The following EPHA3 variants were observed in gnomAD, a reference collection of about 807,000 sequenced individuals.
EPHA3 encodes EPH receptor A3, also known as ephrin type-A receptor 3.
A neutral mutation model predicts 107.1 loss-of-function variants in EPHA3; 42 were observed. The observed-to-expected ratio is 0.39, with a 90% CI of 0.31 to 0.51. EPHA3 has a LOEUF of 0.51. Among genes scored for constraint, EPHA3 ranks in the 20% least tolerant of loss-of-function variants. The probability of loss-of-function intolerance (pLI) is 0.78; values close to 1 mark genes in which losing one functional copy is unlikely to be tolerated. For missense variants in EPHA3, 1,183 were observed against 1,211.2 expected, an observed-to-expected ratio of 0.98 and a Z score of 0.35; for synonymous variants, 461 against 424.8, an observed-to-expected ratio of 1.09 and a Z score of -1.05.
Position 89,332,107 on chromosome 3 carries a change from T to C in EPHA3, c.815-8809T>C, listed in dbSNP as rs567484667. ...CCCTTCCCACATAATCGTCTGCTCA[T>C]TACATGCATATTCTGTTAATTGATC... On this transcript the variant is annotated intron_variant, in intron 3 of 16. Coordinates refer to ENST00000336596, the MANE Select transcript of EPHA3 (RefSeq NM_005233.6). 6.6e-5 allele frequency among the ~76,000 whole-genome samples: 10 copies of C among 152,298 alleles called. No individual in the cohort carries two copies. In the East Asian group the frequency reaches 7.7e-4, roughly 12 times the overall value.
Position 89,472,652 on chromosome 3 carries a change from G to A in EPHA3, c.2846+33G>A, listed in dbSNP as rs1353291146. ...AAAAAAATTCATTAAGAAGAATGAA[G>A]GATTCTTTTGAACTTTCTTGGCTTG... On this transcript the variant is annotated intron_variant, in intron 16 of 16. Transcript: ENST00000336596. 14 of 1,588,242 alleles carry A rather than the reference G, an allele frequency of 8.8e-6. No homozygotes were observed. In the African/African-American group the frequency reaches 9.6e-5, roughly 11 times the overall value.
intron 16 of EPHA3, among the ~76,000 whole-genome samples, chr3:89,475,100 A>G (rs575277292): frequency 1.3e-5 from 2 of 152,288 alleles, no homozygotes; most frequent in African/African-American, 4.8e-5. Context: ...TTGAGTCTTC[A>G]TAGTGTCATG....
chr3:89,383,785 A>T (rs1708559373), intron 5 of EPHA3, among the ~76,000 whole-genome samples: 1 of 151,034 alleles, frequency 6.6e-6, no homozygotes. Flanking sequence ...AGTAGCTGGG[A>T]CTACAGGTGC....
At chr3:89,234,923 C>T (rs568436812) in intron 3 of EPHA3, among the ~76,000 whole-genome samples, 38 of 145,652 alleles carry the variant, frequency 2.6e-4, no homozygotes, top group Middle Eastern at 3.7e-3. Flanking sequence ...TGCCTTCCTT[C>T]CCTCCCTTCC....
intron 2 of EPHA3, among the ~76,000 whole-genome samples, chr3:89,207,114 A>G (rs1319646429): frequency 1.3e-5 from 2 of 152,204 alleles, no homozygotes; most frequent in Non-Finnish European, 2.9e-5. Flanking sequence ...GATTGTCACA[A>G]CAGTAAAGTT....
chr3:89,421,351 G>A (rs1391369081), intron 11 of EPHA3, among the ~76,000 whole-genome samples: 3 of 151,148 alleles, frequency 2.0e-5, no homozygotes, highest in South Asian at 2.1e-4. Context: ...AAGGAAGAAA[G>A]AAAAGAAGGA....
intron 13 of EPHA3, among the ~76,000 whole-genome samples, chr3:89,448,911 G>T (rs1709931842): frequency 6.6e-6 from 1 of 151,918 alleles, no homozygotes; most frequent in Non-Finnish European, 1.5e-5. Flanking sequence ...TGTCACATCT[G>T]CTTCAGGTTG....
intron 3 of EPHA3, among the ~76,000 whole-genome samples, chr3:89,242,375 G>C (rs987362457): frequency 6.6e-6 from 1 of 152,166 alleles, no homozygotes; most frequent in Non-Finnish European, 1.5e-5. Context: ...CAATGTCCAA[G>C]TGTGCACTGC....
At chr3:89,182,755 T>G (rs193232706) in intron 2 of EPHA3, among the ~76,000 whole-genome samples, 34 of 151,878 alleles carry the variant, frequency 2.2e-4, no homozygotes, top group Admixed American at 1.1e-3. Flanking sequence ...ACTTAGCATA[T>G]CTTTCTACAT....
At chr3:89,151,210 C>G (rs1234108892) in intron 2 of EPHA3, among the ~76,000 whole-genome samples, 1 of 152,070 alleles carries the variant, frequency 6.6e-6, no homozygotes, top group Non-Finnish European at 1.5e-5. Flanking sequence ...TAATAGTCTA[C>G]TCTCAAATCC....
intron 3 of EPHA3, among the ~76,000 whole-genome samples, chr3:89,338,672 C>T (rs1222019257): frequency 2.0e-5 from 3 of 152,184 alleles, no homozygotes; most frequent in Non-Finnish European, 4.4e-5. Flanking sequence ...CCTCAGCCTC[C>T]CGAGTAGCTG....
chr3:89,282,854 T>G (rs1220042915), intron 3 of EPHA3, among the ~76,000 whole-genome samples: 1 of 152,132 alleles, frequency 6.6e-6, no homozygotes. Flanking sequence ...TAAATTACTG[T>G]GAGCCATGAT....
intron 2 of EPHA3, among the ~76,000 whole-genome samples, chr3:89,208,074 G>A (rs904850784): frequency 1.4e-4 from 22 of 152,128 alleles, no homozygotes; most frequent in South Asian, 4.1e-4. Context: ...GGGTTATACC[G>A]TAAGAAAGGC....
intron 7 of EPHA3, 76 bp downstream of exon 7, chr3:89,399,556 G>C: frequency 6.4e-7 from 1 of 1,566,046 alleles, no homozygotes; most frequent in Non-Finnish European, 8.7e-7. Flanking sequence ...TATTCTCACT[G>C]TTTCTAAGTT....
At chr3:89,471,238 G>A (rs372087566) in intron 15 of EPHA3, among the ~76,000 whole-genome samples, 2 of 151,538 alleles carry the variant, frequency 1.3e-5, no homozygotes, top group South Asian at 2.1e-4. Context: ...TCTTCAGGGA[G>A]GCAAACATTG....
chr3:89,219,688 G>GTGTTTTTTTTTGTTTGTT, intron 3 of EPHA3, among the ~76,000 whole-genome samples: 1 of 34,440 alleles, frequency 2.9e-5, no homozygotes, highest in Non-Finnish European at 5.2e-5. Flanking sequence ...ATTTGGCAAT[G>GTGTTTTTTTTTGTTTGTT]TTTTTTTTTT....
chr3:89,392,727 A>G (rs1006560894), intron 5 of EPHA3, among the ~76,000 whole-genome samples: 4 of 152,132 alleles, frequency 2.6e-5, no homozygotes, highest in Non-Finnish European at 5.9e-5. Context: ...ACAGAAAAAC[A>G]CTGATTTAAA....
intron 3 of EPHA3, among the ~76,000 whole-genome samples, chr3:89,324,155 C>CTTT (rs749957896): frequency 9.2e-5 from 11 of 118,978 alleles, no homozygotes; most frequent in East Asian, 2.5e-4. Context: ...AGATGTCAGT[C>CTTT]TTTTTTTTTT....
chr3:89,228,001 G>C (rs2107219228), intron 3 of EPHA3, among the ~76,000 whole-genome samples: 1 of 152,018 alleles, frequency 6.6e-6, no homozygotes, highest in East Asian at 1.9e-4. Context: ...AAAGTGTATT[G>C]TGCATAACAC....
Sources: allele counts gnomAD v4.1 joint callset (sites outside exome capture counted in the v4.1 genomes callset), GRCh38; gene constraint gnomAD v4.1.1; transcripts MANE v1.5; gene names NCBI Gene and HGNC (gene_info 2026-07-23, HGNC 2026-07-21).